TRIM31: variants seen among roughly 807,000 people sequenced by gnomAD.
TRIM31 encodes tripartite motif containing 31.
In TRIM31, 31 loss-of-function variants were observed where a neutral mutation model predicts 40.6. The ratio of observed to expected loss-of-function variants is 0.76; its 90% CI spans 0.57 to 1.03. TRIM31 has a LOEUF of 1.03. TRIM31 is among the 50% of genes least tolerant of loss of function. TRIM31 has a pLI of 0.00. For synonymous variants in TRIM31, 164 were observed against 193.9 expected (o/e 0.85, Z 1.28); for missense variants, 455 against 497.5 (o/e 0.91, Z 0.81).
Position 30,103,504 on chromosome 6 carries a change from G to C in TRIM31, c.*32C>G. On this transcript the variant is annotated 3_prime_UTR_variant, in exon 9 of 9. Transcript: ENST00000376734. ...CACTCTATGCTCCGAAGTCCGTGTA[G>C]CACCACCGCTCCCCGTGTTCTCTGA... 3 of 1,610,392 alleles carry C rather than the reference G, an allele frequency of 1.9e-6. No individual in the cohort carries two copies. In the South Asian group the frequency reaches 3.3e-5, roughly 18 times the overall value.
At chr6:30,110,038 A>AC (rs1769135675) in intron 4 of TRIM31, among the ~76,000 whole-genome samples, 1 of 148,480 alleles carries the variant, frequency 6.7e-6, no homozygotes, top group South Asian at 2.1e-4. Flanking sequence ...AAAAAAAAAA[A>AC]AAAAAAAAAC....
intron 7 of TRIM31, among the ~76,000 whole-genome samples, chr6:30,104,911 CT>C (rs1768529239): frequency 6.6e-6 from 1 of 152,354 alleles, no homozygotes; most frequent in African/African-American, 2.4e-5. Flanking sequence ...CCACTTTTTC[CT>C]CCCTGTCTCT....
intron 2 of TRIM31, 198 bp from the exon 3 acceptor site, chr6:30,111,941 C>G: frequency 1.6e-6 from 1 of 610,386 alleles, no homozygotes; most frequent in Non-Finnish European, 2.9e-6. Flanking sequence ...CCTAAATGAC[C>G]AGAACATAGT....
Position 30,103,577 on chromosome 6 carries a change from T to A in TRIM31, c.1237A>T (p.Thr413Ser), listed in dbSNP as rs1319102801. The change falls in exon 9 of 9, where the codon ACA becomes TCA. Residue 413 changes from threonine (T) to serine (S), a missense_variant. Thr to Ser is a moderately conservative substitution (Grantham distance 58, BLOSUM62 1). Transcript: ENST00000376734. ...ELHAALSEWLTAIRAWFCEVP... is the reference protein window; with the variant it reads ...ELHAALSEWLSAIRAWFCEVP... ...TCACAAAACCAAGCCCGGATCGCTG[T>A]CAGCCACTCACTCAGTGCCGCATGG... The A allele has an allele frequency of 6.2e-7, 1 of 1,612,964 alleles. No homozygotes were observed. Among genetic ancestry groups the A allele is most frequent in the Admixed American group, 1.7e-5 (1 of 60,002 alleles).
chr6:30,109,258 C>T (rs1263953149), intron 4 of TRIM31, among the ~76,000 whole-genome samples: 1 of 152,166 alleles, frequency 6.6e-6, no homozygotes, highest in Admixed American at 6.5e-5. Flanking sequence ...GTGTTTTGAC[C>T]TCAAGAAGAA....
chr6:30,111,553 G>T, intron 3 of TRIM31, 95 bp downstream of exon 3: 1 of 1,274,084 alleles, frequency 7.8e-7, no homozygotes, highest in Non-Finnish European at 1.1e-6. Context: ...TGGCTCACTG[G>T]ATCTTTTTCT....
chr6:30,105,239 TG>T lies in TRIM31; in HGVS notation c.886del (p.Gln296AsnfsTer17). ...ATCTTTTTTCCTATCAGCCTGGAGTTGGTCTGGGGAATAAAGAATGGGATGA... is the reference window on the plus strand; with the variant it reads ...ATCTTTTTTCCTATCAGCCTGGAGTTGTCTGGGGAATAAAGAATGGGATGA... ...ITGSLKKFKD[Q>X]LQADRKKDEN... On this transcript the variant is annotated frameshift_variant and splice_region_variant, in exon 7 of 9. Coordinates refer to ENST00000376734, the MANE Select transcript of TRIM31 (RefSeq NM_007028.5). LOFTEE classifies it high-confidence loss of function. 2 of 1,612,520 alleles carry T rather than the reference TG, an allele frequency of 1.2e-6. No individual in the cohort carries two copies. The highest frequency in any genetic ancestry group is 1.7e-6 in the Non-Finnish European group (2 of 1,179,810).
chr6:30,109,156 A>C, intron 4 of TRIM31, 108 bp from the exon 5 acceptor site: 2 of 1,143,410 alleles, frequency 1.7e-6, no homozygotes, highest in South Asian at 1.2e-5. Flanking sequence ...AGGAGTAAGA[A>C]CCCCTCCAAG....
intron 6 of TRIM31, among the ~76,000 whole-genome samples, chr6:30,107,508 T>G (rs1768835725): frequency 6.9e-6 from 1 of 145,952 alleles, no homozygotes; most frequent in Non-Finnish European, 1.5e-5. Context: ...TCTTCCTAGT[T>G]GCAAACACAG....
At chr6:30,108,754 C>T (rs1768997125) in intron 5 of TRIM31, 1 of 573,680 alleles carries the variant, frequency 1.7e-6, no homozygotes, top group Admixed American at 3.0e-5. Context: ...GACCCAGGAG[C>T]TATTCAGTTG....
rs111537560 is a variant in TRIM31 at position 30,105,031 on chromosome 6, T to C, written c.958+137A>G. On this transcript the variant is annotated intron_variant, in intron 7 of 8. Coordinates refer to ENST00000376734, the MANE Select transcript of TRIM31 (RefSeq NM_007028.5). ...TGAGTTTAAAATAATAAAACAACCA[T>C]ATGCCTGTTCTCTCAATTGGCTGAG... 8,015 of 752,320 alleles carry C rather than the reference T, an allele frequency of 0.011. 137 individuals are homozygous for C. The highest frequency in any genetic ancestry group is 0.058 in the Middle Eastern group (229 of 3,966). 46.6% of individuals were successfully genotyped at this position (752,320 alleles called of 1,614,324 possible).
Position 30,110,668 on chromosome 6 carries a change from T to G in TRIM31, c.524A>C (p.Glu175Ala). 1 of 1,614,162 alleles carries G rather than the reference T, an allele frequency of 6.2e-7. No individual in the cohort carries two copies. The highest frequency in any genetic ancestry group is 1.1e-5 in the South Asian group (1 of 91,090). ...TGTGAGGATCCTTTGCTTCTCATGT[T>G]CTACCTGGTCCTAAGAAACAGGGAC... ...HRVDVFTDQV[E>A]HEKQRILTEF... The change falls in exon 4 of 9, where the codon GAA becomes GCA. Residue 175 changes from glutamate to alanine, a missense_variant. Transcript: ENST00000376734.
chr6:30,106,583 A>C (rs1179673258), intron 6 of TRIM31, among the ~76,000 whole-genome samples: 1 of 147,126 alleles, frequency 6.8e-6, no homozygotes, highest in Non-Finnish European at 1.5e-5. Flanking sequence ...GGTAAAAATA[A>C]AATAAAAATA....
At position 30,109,033 on chromosome 6, in the gene TRIM31, A is replaced by G. The variant is rs749437674; in HGVS notation, c.760T>C (p.Leu254=). 6.2e-7 allele frequency: 1 copy of G among 1,613,086 alleles called. No individual in the cohort carries two copies. The highest frequency in any genetic ancestry group is 8.5e-7 in the Non-Finnish European group (1 of 1,180,046). The change falls in exon 5 of 9, where the codon TTG becomes CTG. Residue 254 remains leucine, a synonymous_variant. Coordinates refer to ENST00000376734, the MANE Select transcript of TRIM31 (RefSeq NM_007028.5). Reference sequence around the variant, plus strand: ...TGGGGTGGCCCATCATACCTGCACAAGACGACTTTGATATCCTAGAAGAGA... The same window carrying G: ...TGGGGTGGCCCATCATACCTGCACAGGACGACTTTGATATCCTAGAAGAGA... ...RQLLEDIKVV[L]CRSEEFQFLN... is the part of the protein sequence containing the mutation.
In TRIM31 at chr6:30,112,530, C is replaced by G. The variant is rs753447669; in HGVS notation, c.276G>C (p.Glu92Asp). The G allele has an allele frequency of 1.5e-5, 25 of 1,613,010 alleles. No homozygotes were observed. In the East Asian group the frequency reaches 4.9e-4, roughly 32 times the overall value. ...TCTCCTGGTGCCTCGGGCATGTAGC[C>G]TCTTTCCTTTTGGACTGCACCTCAG... ...QASEVQSKRKEATCPRHQEMF... is the reference protein window; with the variant it reads ...QASEVQSKRKDATCPRHQEMF... The change falls in exon 2 of 9, where the codon GAG (glutamate) becomes GAC (aspartate). Residue 92 changes from glutamate to aspartate, a missense_variant. By Grantham distance (45) the Glu-to-Asp change is conservative (BLOSUM62 2). Transcript: ENST00000376734.
At chr6:30,107,985 C>T (rs1444189577) in intron 6 of TRIM31, 68 bp downstream of exon 6, 21 of 1,062,004 alleles carry the variant, frequency 2.0e-5, no homozygotes, top group Non-Finnish European at 3.0e-5. Context: ...AGTTCCATTT[C>T]AGTGGAGTGA....
At chr6:30,111,030 C>CTTTTTTTT (rs9278578) in intron 3 of TRIM31, among the ~76,000 whole-genome samples, 13 of 114,310 alleles carry the variant, frequency 1.1e-4, no homozygotes, top group South Asian at 3.1e-4. Flanking sequence ...TTCCTTCTGT[C>CTTTTTTTT]TTTTTTTTTT....
In TRIM31 at chr6:30,105,061, C is replaced by T. The variant is rs914907423; in HGVS notation, c.958+107G>A. 28 of 932,646 alleles carry T rather than the reference C, an allele frequency of 3.0e-5. No individual in the cohort carries two copies. The African/African-American group carries it at 3.1e-4, about 10-fold the overall frequency. 57.8% of individuals were successfully genotyped at this position (932,646 alleles called of 1,614,324 possible). ...CTGTTCTCTCAATTGGCTGAGGAAT[C>T]GGCATTCACTTATATCTGGCCTTCA... is the stretch of plus-strand genomic sequence containing the variant. On this transcript the variant is annotated intron_variant, in intron 7 of 8. Transcript: ENST00000376734.
In TRIM31 at chr6:30,112,371, G is replaced by A. The variant is rs2127394522; in HGVS notation, c.417+18C>T. 6.3e-7 allele frequency: 1 copy of A among 1,592,922 alleles called. No individual in the cohort carries two copies. The highest frequency in any genetic ancestry group is 1.7e-5 in the Admixed American group (1 of 58,148). ...CCTGGGCTGATGGGGGAACAGGGAAGAAACCTCAAATGCCTACCTGATAAT... is the reference window on the plus strand; with the variant it reads ...CCTGGGCTGATGGGGGAACAGGGAAAAAACCTCAAATGCCTACCTGATAAT... On this transcript the variant is annotated intron_variant, in intron 2 of 8. Coordinates refer to ENST00000376734, the MANE Select transcript of TRIM31 (RefSeq NM_007028.5).
Sources: allele counts gnomAD v4.1 joint callset (sites outside exome capture counted in the v4.1 genomes callset), GRCh38; gene constraint gnomAD v4.1.1; transcripts MANE v1.5; gene names NCBI Gene and HGNC (gene_info 2026-07-23, HGNC 2026-07-21).